Variants in BCAM observed in about 807,000 individuals in gnomAD.
BCAM encodes basal cell adhesion molecule.
A neutral mutation model predicts 72.4 loss-of-function variants in BCAM; 61 were observed. The ratio of observed to expected loss-of-function variants is 0.84; its 90% CI spans 0.69 to 1.04. The LOEUF (loss-of-function observed/expected upper bound fraction) is 1.04. Ranked by LOEUF, BCAM falls within the 50% of genes least tolerant of loss-of-function variation. BCAM has a pLI of 0.00. For missense variants in BCAM, 909 were observed against 895.0 expected (o/e 1.02, Z -0.20); for synonymous variants, 408 against 384.2 (o/e 1.06, Z -0.73).
chr19:44,817,929 T>G (rs1044195460), intron 8 of BCAM, among the ~76,000 whole-genome samples: 1 of 152,110 alleles, frequency 6.6e-6, no homozygotes, highest in Non-Finnish European at 1.5e-5. Context: ...AAGAGGTGGT[T>G]GGGACAGTCA....
At position 44,814,290 on chromosome 19, in the gene BCAM, T is replaced by A. The variant is rs925985112; in HGVS notation, c.921+2T>A. On this transcript the variant is annotated splice_donor_variant, in intron 7 of 14. Coordinates refer to ENST00000270233, the MANE Select transcript of BCAM (RefSeq NM_005581.5). LOFTEE classifies it high-confidence loss of function. The surrounding 1 kb of genome is among the most constrained non-coding windows in gnomAD (Gnocchi z 4.6). ...GAGTATACGCTTTTCCGCCTTCAGGTGACCCACCCAAGGGTCCCTCTGGGA... is the reference window on the plus strand; with the variant it reads ...GAGTATACGCTTTTCCGCCTTCAGGAGACCCACCCAAGGGTCCCTCTGGGA... The A allele has an allele frequency of 8.2e-6, 13 of 1,593,040 alleles. No individual in the cohort carries two copies. The highest frequency in any genetic ancestry group is 1.1e-5 in the Non-Finnish European group (13 of 1,175,350).
rs142196330 is a variant in BCAM, at chr19:44,818,841, C to T, written c.1295C>T (p.Pro432Leu). Residue 432 changes from proline to leucine, a missense_variant, in exon 10 of 15, where the codon CCG becomes CTG. Pro to Leu is a moderately conservative substitution (Grantham distance 98, BLOSUM62 -3). Transcript: ENST00000270233. This position sits in a 1 kb window ranked among gnomAD's most constrained non-coding sequence, Gnocchi z 4.6. ...YVCEASLPTV[P>L]VLSRTQNFTL... ...TGTGAGGCCTCCCTGCCCACAGTCC[C>T]GGTCCTCAGCCGCACCCAGAACTTC... 3.1e-5 allele frequency: 50 copies of T among 1,613,988 alleles called. No individual in the cohort carries two copies. The African/African-American group carries it at 3.5e-4, about 11-fold the overall frequency.
At chr19:44,817,018 ATGAGG>A (rs1028254769) in intron 8 of BCAM, among the ~76,000 whole-genome samples, 19 of 152,042 alleles carry the variant, frequency 1.2e-4, no homozygotes, top group African/African-American at 4.6e-4. Flanking sequence ...CGGGCAGATC[ATGAGG>A]TCAGGAGTTT....
chr19:44,820,152 T>C, intron 13 of BCAM: 12 of 992,908 alleles, frequency 1.2e-5, no homozygotes, highest in Non-Finnish European at 1.4e-5. Flanking sequence ...TCTCCAGCCC[T>C]GGCCACATCC....
chr19:44,811,367 G>A lies in BCAM; in HGVS notation c.204+21G>A, dbSNP rs763509422. 5.6e-6 allele frequency: 9 copies of A among 1,612,720 alleles called. No homozygotes were observed. The African/African-American group carries it at 1.2e-4, about 22-fold the overall frequency. On this transcript the variant is annotated intron_variant, in intron 2 of 14. Transcript: ENST00000270233. ...TCCTTGTGAGTGCTTGGGGCTGGGG[G>A]GCCTGGAGTCAGGGCACAGCAGGGC...
In BCAM at chr19:44,819,396, C is replaced by G. The variant is rs925708575; in HGVS notation, c.1524C>G (p.Thr508=). 9 of 1,614,000 alleles carry G rather than the reference C, an allele frequency of 5.6e-6. No homozygotes were observed. The highest frequency in any genetic ancestry group is 1.6e-4 in the Middle Eastern group (1 of 6,080). ...GRQGWVSSSL[T]LKVTSALSRD... ...AGGGTTGGGTGAGCAGCTCTCTGACCCTGAAAGTGACCAGCGCCCTGAGCC... is the reference window on the plus strand; with the variant it reads ...AGGGTTGGGTGAGCAGCTCTCTGACGCTGAAAGTGACCAGCGCCCTGAGCC... The change falls in exon 12 of 15, where the codon ACC becomes ACG. Residue 508 remains threonine, a synonymous_variant. Coordinates refer to ENST00000270233, the MANE Select transcript of BCAM (RefSeq NM_005581.5).
rs887653959 is a variant in BCAM at position 44,818,432 on chromosome 19, A to G, written c.1079-90A>G. ...TGCTGTTCTCTGCTTCCAACTGTCC[A>G]TTCATGTTTGCACCCCCGACCGCCC... On this transcript the variant is annotated intron_variant, in intron 8 of 14. Coordinates refer to ENST00000270233, the MANE Select transcript of BCAM (RefSeq NM_005581.5). This position sits in a 1 kb window ranked among gnomAD's most constrained non-coding sequence, Gnocchi z 4.6. 2.2e-6 allele frequency: 2 copies of G among 919,058 alleles called. No homozygotes were observed. The highest frequency in any genetic ancestry group is 1.6e-5 in the African/African-American group (1 of 61,050). 56.9% of individuals were successfully genotyped at this position (919,058 alleles called of 1,614,324 possible). A position where few individuals can be genotyped will look rare whatever the true frequency, so the allele number is the denominator to read the frequency against.
chr19:44,816,965 G>A (rs1478037802), intron 8 of BCAM, among the ~76,000 whole-genome samples: 3 of 148,728 alleles, frequency 2.0e-5, no homozygotes, highest in Non-Finnish European at 4.5e-5. Context: ...GGCCGGGCAC[G>A]GTGGCTCACA....
chr19:44,809,860 C>CG (rs1205907868), intron 1 of BCAM, among the ~76,000 whole-genome samples: 1 of 2,774 alleles, frequency 3.6e-4, no homozygotes, highest in Non-Finnish European at 6.8e-4. Context: ...GAGAGGAGGC[C>CG]GGGGGCTGGG....
rs1345531178 is a variant in BCAM, at chr19:44,814,008, T to C, written c.785-144T>C. On this transcript the variant is annotated intron_variant, in intron 6 of 14. Coordinates refer to ENST00000270233, the MANE Select transcript of BCAM (RefSeq NM_005581.5). The surrounding 1 kb of genome is among the most constrained non-coding windows in gnomAD (Gnocchi z 4.6). ...TCTGAACTCTGGCACTCAGAATAAT[T>C]GTGAACCTGAGGCTTGAAACCTATG... is the stretch of plus-strand genomic sequence containing the variant. 2.7e-6 allele frequency: 3 copies of C among 1,101,906 alleles called. No homozygotes were observed. The highest frequency in any genetic ancestry group is 3.8e-6 in the Non-Finnish European group (3 of 785,342). 68.3% of individuals were successfully genotyped at this position (1,101,906 alleles called of 1,614,324 possible).
Position 44,812,505 on chromosome 19 carries a change from C to G in BCAM, c.461C>G (p.Pro154Arg). 1 of 1,614,220 alleles carries G rather than the reference C, an allele frequency of 6.2e-7. No individual in the cohort carries two copies. Among genetic ancestry groups the G allele is most frequent in the Non-Finnish European group, 8.5e-7 (1 of 1,180,042 alleles). Residue 154 changes from proline (P) to arginine (R), a missense_variant, in exon 4 of 15, where the codon CCC becomes CGC. Physicochemically the swap from Pro to Arg is moderately radical, Grantham distance 103. Transcript: ENST00000270233. The surrounding 1 kb of genome is among the most constrained non-coding windows in gnomAD (Gnocchi z 5.3). Reference protein sequence around the residue: ...FAKPEATEVSPNKGTLSVMED... With the variant: ...FAKPEATEVSRNKGTLSVMED... ...AAGCCAGAGGCCACTGAGGTCTCCC[C>G]CAACAAAGGGACACTGTCTGTGATG...
In BCAM at chr19:44,814,389, T is replaced by C; in HGVS notation, c.921+101T>C. On this transcript the variant is annotated intron_variant, in intron 7 of 14. Transcript: ENST00000270233. This position sits in a 1 kb window ranked among gnomAD's most constrained non-coding sequence, Gnocchi z 4.6. ...CTAATGTGGGACCTGGGAGTCCCCA[T>C]GGCTTAGGCAGCCACCTGATCTGGT... 1.3e-6 allele frequency: 2 copies of C among 1,489,934 alleles called. No individual in the cohort carries two copies. The highest frequency in any genetic ancestry group is 8.9e-7 in the Non-Finnish European group (1 of 1,120,100). The allele number at this position is 1,489,934 out of a possible 1,614,324, so 92.3% of individuals were successfully genotyped here.
chr19:44,811,988 A>G, intron 2 of BCAM, 175 bp from the exon 3 acceptor site: 1 of 658,208 alleles, frequency 1.5e-6, no homozygotes. Context: ...AGGAAAAATC[A>G]AGAACTGATA....
rs1318899805 is a variant in BCAM, at chr19:44,813,676, T to C, written c.784+56T>C. 1.8e-5 allele frequency: 28 copies of C among 1,570,090 alleles called. No individual in the cohort carries two copies. The highest frequency in any genetic ancestry group is 2.4e-5 in the Non-Finnish European group (28 of 1,156,584). On this transcript the variant is annotated intron_variant, in intron 6 of 14. Transcript: ENST00000270233. This position sits in a 1 kb window ranked among gnomAD's most constrained non-coding sequence, Gnocchi z 4.2. ...CTCAGGCTCCACACCTCATGAGGCC[T>C]GACCCTCCACCCGGGGGCTTCACAC...
Position 44,820,739 on chromosome 19 carries a change from T to G in BCAM, c.1798T>G (p.Ser600Ala). 6.9e-7 allele frequency: 1 copy of G among 1,444,912 alleles called. No homozygotes were observed. The allele number at this position is 1,444,912 out of a possible 1,614,324, so 89.5% of individuals were successfully genotyped here. The change falls in exon 14 of 15, where the codon TCG becomes GCG. Residue 600 changes from serine (S) to alanine (A), a missense_variant. Ser to Ala is a moderately conservative substitution (Grantham distance 99). Transcript: ENST00000270233. ...GGAGCCAGGGCTGAGCCACTCGGGG[T>G]CGGAGCAACCAGAGCAGACCGGCCT... Reference protein sequence around the residue: ...PGEPGLSHSGSEQPEQTGLLM... With the variant: ...PGEPGLSHSGAEQPEQTGLLM...
rs1383510186 is a variant in BCAM, at chr19:44,819,846, A to C, written c.1763+120A>C. Reference sequence around the variant, plus strand: ...CTCCACCCCACATCCCACCACATCCACCTCCATCCCCAACCCATCCTCATC... The same window carrying C: ...CTCCACCCCACATCCCACCACATCCCCCTCCATCCCCAACCCATCCTCATC... On this transcript the variant is annotated intron_variant, in intron 13 of 14. Coordinates refer to ENST00000270233, the MANE Select transcript of BCAM (RefSeq NM_005581.5). 7 of 1,410,086 alleles carry C rather than the reference A, an allele frequency of 5.0e-6. No individual in the cohort carries two copies. The Admixed American group carries it at 1.2e-4, about 24-fold the overall frequency. 87.3% of individuals were successfully genotyped at this position (1,410,086 alleles called of 1,614,324 possible).
chr19:44,818,675 C>A lies in BCAM; in HGVS notation c.1194+38C>A, dbSNP rs374739045. On this transcript the variant is annotated intron_variant, in intron 9 of 14. Coordinates refer to ENST00000270233, the MANE Select transcript of BCAM (RefSeq NM_005581.5). This position sits in a 1 kb window ranked among gnomAD's most constrained non-coding sequence, Gnocchi z 4.6. Reference sequence around the variant, plus strand: ...GGAGCCCCCTCGGGCCCTGCACTCGCACCCTCCTCTCTCCCCTCACTCCTC... The same window carrying A: ...GGAGCCCCCTCGGGCCCTGCACTCGAACCCTCCTCTCTCCCCTCACTCCTC... 6.2e-7 allele frequency: 1 copy of A among 1,611,654 alleles called. No homozygotes were observed. The highest frequency in any genetic ancestry group is 8.5e-7 in the Non-Finnish European group (1 of 1,178,180).
At position 44,812,174 on chromosome 19, in the gene BCAM, G is replaced by A. The variant is rs771238400; in HGVS notation, c.216G>A (p.Ser72=). The A allele has an allele frequency of 8.1e-6, 13 of 1,602,034 alleles. No homozygotes were observed. The highest frequency in any genetic ancestry group is 5.3e-5 in the Admixed American group (3 of 56,696). ...YMLEWFLTDR[S]GARPRLASAE... is the part of the protein sequence containing the mutation. ...CCCCGCGCCCACAGACCGACCGCTC[G>A]GGAGCTCGCCCCCGCCTAGCCTCGG... The change falls in exon 3 of 15, where the codon TCG becomes TCA. Residue 72 remains serine, a synonymous_variant. Transcript: ENST00000270233. This position sits in a 1 kb window ranked among gnomAD's most constrained non-coding sequence, Gnocchi z 5.3.
At chr19:44,820,632 C>G in intron 13 of BCAM, 73 bp from the exon 14 acceptor site, 1 of 1,367,008 alleles carries the variant, frequency 7.3e-7, no homozygotes, top group Non-Finnish European at 9.4e-7. Flanking sequence ...CCCACCCACC[C>G]CCATCCTCAG....
Sources: allele counts gnomAD v4.1 joint callset (sites outside exome capture counted in the v4.1 genomes callset), GRCh38; gene constraint gnomAD v4.1.1; non-coding constraint Gnocchi (gnomAD v3.1); transcripts MANE v1.5; gene names NCBI Gene and HGNC (gene_info 2026-07-23, HGNC 2026-07-21).